Variants in SHOC1 observed in about 807,000 individuals in gnomAD.
SHOC1 encodes the protein shortage in chiasmata 1.
SHOC1 carries 136 observed loss-of-function variants against 179.2 expected under a neutral mutation model. The observed-to-expected ratio is 0.76, with a 90% confidence interval of 0.66 to 0.87. The LOEUF is 0.87. Among genes scored for constraint, SHOC1 ranks in the 40% least tolerant of loss-of-function variants. The probability of loss-of-function intolerance (pLI) is 0.00; values close to 1 mark genes in which losing one functional copy is unlikely to be tolerated. For synonymous variants in SHOC1, 489 were observed against 586.6 expected (o/e 0.83, Z 2.41); for missense variants, 1,538 against 1,700.8 (o/e 0.90, Z 1.68).
At chr9:111,762,997 A>G (rs1034193573) in intron 5 of SHOC1, among the ~76,000 whole-genome samples, 2 of 152,118 alleles carry the variant, frequency 1.3e-5, no homozygotes, top group African/African-American at 4.8e-5. Context: ...TGATAACACT[A>G]TAAAAATCAA....
chr9:111,714,713 G>A, intron 16 of SHOC1, 90 bp from the exon 17 acceptor site: 1 of 1,124,296 alleles, frequency 8.9e-7, no homozygotes, highest in Non-Finnish European at 1.3e-6. Context: ...ATAAGTCAAA[G>A]CAGAGACAGT....
rs747846440 is a variant in SHOC1 at position 111,756,454 on chromosome 9, C to T, written c.733G>A (p.Glu245Lys). 4.9e-5 allele frequency: 79 copies of T among 1,601,696 alleles called. 1 individual carries two copies. In the South Asian group the frequency reaches 8.9e-4, roughly 18 times the overall value. Residue 245 changes from glutamate to lysine, a missense_variant, in exon 8 of 28, where the codon GAA (glutamate) becomes AAA (lysine). Transcript: ENST00000682961. ...NEPSSFLIEY[E>K]FLIPPSLKPE... ...TTGAGGCTTGGAGGTATTAAGAATTCATACTCAATAAGAAAACTTGACGGC... is the reference window on the plus strand; with the variant it reads ...TTGAGGCTTGGAGGTATTAAGAATTTATACTCAATAAGAAAACTTGACGGC...
chr9:111,718,059 G>A (rs1322256), intron 16 of SHOC1, 125 bp downstream of exon 16: 3 of 590,398 alleles, frequency 5.1e-6, no homozygotes, highest in African/African-American at 1.9e-5. Flanking sequence ...TGTATGTAAT[G>A]CTTAGTATAA....
At chr9:111,771,984 T>C (rs1366977814) in intron 5 of SHOC1, among the ~76,000 whole-genome samples, 1 of 152,174 alleles carries the variant, frequency 6.6e-6, no homozygotes, top group Non-Finnish European at 1.5e-5. Context: ...TTGTATTTTT[T>C]CTTTCTGCCC....
intron 24 of SHOC1, among the ~76,000 whole-genome samples, chr9:111,696,809 G>GT (rs1263521160): frequency 2.0e-5 from 3 of 152,214 alleles, no homozygotes; most frequent in African/African-American, 4.8e-5. Context: ...TAAATAAGTG[G>GT]TAAGACCTCA....
In SHOC1 at chr9:111,714,525, T is replaced by C. The variant is rs138162559; in HGVS notation, c.2335A>G (p.Lys779Glu). Residue 779 changes from lysine to glutamate, a missense_variant, in exon 17 of 28, where the codon AAA (lysine) becomes GAA (glutamate). Coordinates refer to ENST00000682961, the MANE Select transcript of SHOC1 (RefSeq NM_001378211.1). Reference protein sequence around the residue: ...QLEIVQFIRGKKPETNYKIQE... With the variant: ...QLEIVQFIRGEKPETNYKIQE... ...ATCTTGTAGTTGGTTTCAGGCTTTT[T>C]CCCCCTAATAAACTGTACAATCTCC... The C allele has an allele frequency of 8.7e-6, 14 of 1,613,838 alleles. No individual in the cohort carries two copies. Among genetic ancestry groups the C allele is most frequent in the Non-Finnish European group, 1.1e-5 (13 of 1,179,938 alleles).
chr9:111,740,304 A>G (rs1348828128), intron 11 of SHOC1, among the ~76,000 whole-genome samples: 1 of 152,220 alleles, frequency 6.6e-6, no homozygotes, highest in South Asian at 2.1e-4. Context: ...AAAGTCTCCA[A>G]GGTTTAATAG....
At position 111,755,761 on chromosome 9, in the gene SHOC1, T is replaced by C. The variant is rs552384807; in HGVS notation, c.862+564A>G. Reference sequence around the variant, plus strand: ...AAAATTTGTATAGTCATAGGTGTTTTAGTTTTATTTGTATAATTATCTTGA... The same window carrying C: ...AAAATTTGTATAGTCATAGGTGTTTCAGTTTTATTTGTATAATTATCTTGA... On this transcript the variant is annotated intron_variant, in intron 8 of 27. Coordinates refer to ENST00000682961, the MANE Select transcript of SHOC1 (RefSeq NM_001378211.1). 5.3e-5 allele frequency among the ~76,000 whole-genome samples: 8 copies of C among 152,296 alleles called. 1 individual carries two copies. In the South Asian group the frequency reaches 1.5e-3, roughly 28 times the overall value.
chr9:111,740,269 C>T (rs1833974345), intron 11 of SHOC1, among the ~76,000 whole-genome samples: 2 of 152,180 alleles, frequency 1.3e-5, no homozygotes, highest in South Asian at 4.1e-4. Flanking sequence ...CTCTACACTA[C>T]ATGTCGACCT....
At chr9:111,741,924 G>A (rs758037910) in intron 10 of SHOC1, among the ~76,000 whole-genome samples, 2 of 152,066 alleles carry the variant, frequency 1.3e-5, no homozygotes, top group East Asian at 3.8e-4. Flanking sequence ...GAGCCACCGC[G>A]CCTGGCCCAA....
chr9:111,761,725 C>A (rs1247485219), intron 5 of SHOC1, among the ~76,000 whole-genome samples: 1 of 152,004 alleles, frequency 6.6e-6, no homozygotes, highest in East Asian at 1.9e-4. Flanking sequence ...AAGAGAAAAT[C>A]ATTTCACAAA....
At chr9:111,760,102 A>G (rs891173582) in intron 5 of SHOC1, among the ~76,000 whole-genome samples, 3 of 152,186 alleles carry the variant, frequency 2.0e-5, no homozygotes, top group African/African-American at 7.2e-5. Flanking sequence ...TTTATATCCT[A>G]TATCCACCTT....
At chr9:111,784,634 C>T (rs1836195044) in intron 3 of SHOC1, among the ~76,000 whole-genome samples, 2 of 152,308 alleles carry the variant, frequency 1.3e-5, no homozygotes, top group Non-Finnish European at 1.5e-5. Flanking sequence ...CCCATATCCA[C>T]AATTGTCTTA....
chr9:111,693,726 C>A, intron 26 of SHOC1, 73 bp downstream of exon 26: 1 of 970,440 alleles, frequency 1.0e-6, no homozygotes, highest in Non-Finnish European at 1.4e-6. Context: ...TTTTAAAAAT[C>A]CTATTGTAAA....
intron 16 of SHOC1, among the ~76,000 whole-genome samples, chr9:111,716,182 A>G (rs1017908650): frequency 1.2e-4 from 19 of 152,136 alleles, no homozygotes; most frequent in Non-Finnish European, 2.6e-4. Context: ...TCTTACTTTT[A>G]TGGTATTCCT....
intron 12 of SHOC1, among the ~76,000 whole-genome samples, chr9:111,736,546 C>T (rs1833819839): frequency 6.6e-6 from 1 of 152,102 alleles, no homozygotes; most frequent in Non-Finnish European, 1.5e-5. Flanking sequence ...CTATCTTTCA[C>T]CATATATAAA....
At position 111,727,699 on chromosome 9, in the gene SHOC1, T is replaced by C. The variant is rs766491320; in HGVS notation, c.1768A>G (p.Met590Val). ...NDLDLLSDFI[M>V]LRNKYKTCTS... ...CAAGTCTTATATTTATTTCGCAGCATAATAAAGTCGCTCAAAAGGTCCAAA... is the reference window on the plus strand; with the variant it reads ...CAAGTCTTATATTTATTTCGCAGCACAATAAAGTCGCTCAAAAGGTCCAAA... The change falls in exon 13 of 28, where the codon ATG (methionine) becomes GTG (valine). Residue 590 changes from methionine to valine, a missense_variant. Physicochemically the swap from Met to Val is conservative, Grantham distance 21. Transcript: ENST00000682961. 1 of 1,611,222 alleles carries C rather than the reference T, an allele frequency of 6.2e-7. No individual in the cohort carries two copies. The highest frequency in any genetic ancestry group is 1.7e-5 in the Admixed American group (1 of 59,476).
chr9:111,695,124 TTTC>T (rs1180087650), intron 24 of SHOC1, among the ~76,000 whole-genome samples: 1 of 152,186 alleles, frequency 6.6e-6, no homozygotes, highest in East Asian at 1.9e-4. Flanking sequence ...ATTTCTTTCT[TTTC>T]TTCTTCATCT....
chr9:111,789,207 G>C (rs1337448857), intron 2 of SHOC1, among the ~76,000 whole-genome samples: 5 of 151,986 alleles, frequency 3.3e-5, no homozygotes, highest in Admixed American at 2.6e-4. Context: ...ATTATCCAAG[G>C]ATAAGTGGTA....
Sources: gnomAD v4.1 joint callset for allele counts (sites outside exome capture counted in the v4.1 genomes callset) on GRCh38, gnomAD v4.1.1 for gene constraint, MANE v1.5 for transcripts, NCBI Gene and HGNC (gene_info 2026-07-23, HGNC 2026-07-21) for gene names.